Variants in EEFSEC observed in about 807,000 individuals in gnomAD.
EEFSEC encodes the protein selenocysteine-specific elongation factor.
In EEFSEC, 43 loss-of-function variants were observed where a neutral mutation model predicts 42.1. The ratio of observed to expected loss-of-function variants is 1.02; its 90% CI spans 0.80 to 1.32. EEFSEC has a LOEUF of 1.32. Among genes scored for constraint, EEFSEC ranks in the 40% most tolerant of loss-of-function variants. The pLI is 0.00. For synonymous variants in EEFSEC, 354 were observed against 339.1 expected, an observed-to-expected ratio of 1.04 and a Z score of -0.48; for missense variants, 745 against 803.6, an observed-to-expected ratio of 0.93 and a Z score of 0.88.
chr3:128,359,364 C>T (rs1025126979), intron 6 of EEFSEC, among the ~76,000 whole-genome samples: 14 of 152,092 alleles, frequency 9.2e-5, no homozygotes, highest in Non-Finnish European at 5.9e-5. Context: ...AGCCTGTGTT[C>T]GTATGAATGG....
chr3:128,360,447 C>T (rs984014772), intron 6 of EEFSEC, among the ~76,000 whole-genome samples: 1 of 152,230 alleles, frequency 6.6e-6, no homozygotes, highest in African/African-American at 2.4e-5. Context: ...TGATCCTTCC[C>T]CTAAACAGCT....
At chr3:128,181,426 C>CT (rs2065404029) in intron 1 of EEFSEC, among the ~76,000 whole-genome samples, 1 of 152,220 alleles carries the variant, frequency 6.6e-6, no homozygotes, top group African/African-American at 2.4e-5. Flanking sequence ...ATTCTGAACA[C>CT]TTTTTTGTGT....
intron 1 of EEFSEC, among the ~76,000 whole-genome samples, chr3:128,163,709 C>G (rs886578008): frequency 1.3e-5 from 2 of 151,952 alleles, no homozygotes; most frequent in African/African-American, 4.8e-5. Flanking sequence ...CCCATTCGCC[C>G]CTCTCCCAGG....
At chr3:128,381,616 G>C (rs1330501659) in intron 6 of EEFSEC, among the ~76,000 whole-genome samples, 1 of 152,242 alleles carries the variant, frequency 6.6e-6, no homozygotes, top group Non-Finnish European at 1.5e-5. Flanking sequence ...TCAGTGGCAA[G>C]AGAGACAGCT....
chr3:128,352,485 T>C (rs2067400043), intron 5 of EEFSEC, among the ~76,000 whole-genome samples: 1 of 152,230 alleles, frequency 6.6e-6, no homozygotes, highest in African/African-American at 2.4e-5. Flanking sequence ...AAGCCACTGC[T>C]GTGCTGAGAG....
chr3:128,417,556 C>A, the EEFSEC span, among the ~76,000 whole-genome samples: 12 of 152,270 alleles, frequency 7.9e-5, no homozygotes, highest in East Asian at 2.1e-3. This position sits in a 1 kb window ranked among gnomAD's most constrained non-coding sequence, Gnocchi z 4.3. Flanking sequence ...CTGTCGACCT[C>A]ATTTACTGCC....
chr3:128,261,883 T>G (rs2066300373), intron 2 of EEFSEC, among the ~76,000 whole-genome samples: 1 of 152,212 alleles, frequency 6.6e-6, no homozygotes, highest in Non-Finnish European at 1.5e-5. Flanking sequence ...GGTTAATATC[T>G]AAGAGAGCCC....
At chr3:128,237,646 C>T (rs1035761570) in intron 1 of EEFSEC, among the ~76,000 whole-genome samples, 5 of 152,232 alleles carry the variant, frequency 3.3e-5, no homozygotes, top group Admixed American at 3.3e-4. Context: ...GAGTCTCTAG[C>T]ATTTCTTGTT....
intron 4 of EEFSEC, among the ~76,000 whole-genome samples, chr3:128,279,808 C>G (rs944742029): frequency 6.6e-6 from 1 of 152,200 alleles, no homozygotes; most frequent in Non-Finnish European, 1.5e-5. Flanking sequence ...CCTGGGGGGA[C>G]TAATTCCTAT....
At chr3:128,297,233 A>G (rs1271230744) in intron 4 of EEFSEC, among the ~76,000 whole-genome samples, 1 of 152,092 alleles carries the variant, frequency 6.6e-6, no homozygotes, top group Non-Finnish European at 1.5e-5. Context: ...AAGGGAGGAC[A>G]GCTTGTGAGG....
intron 4 of EEFSEC, among the ~76,000 whole-genome samples, chr3:128,270,245 G>A (rs1167752955): frequency 6.6e-6 from 1 of 152,174 alleles, no homozygotes; most frequent in Non-Finnish European, 1.5e-5. Context: ...TAGAATTTTT[G>A]TTGTGGGTTC....
At chr3:128,227,392 C>T (rs1286777906) in intron 1 of EEFSEC, among the ~76,000 whole-genome samples, 1 of 152,120 alleles carries the variant, frequency 6.6e-6, no homozygotes, top group Admixed American at 6.5e-5. Context: ...GCTCTGTGAC[C>T]CAGTGCCCTC....
chr3:128,181,978 T>G (rs1466921923), intron 1 of EEFSEC, among the ~76,000 whole-genome samples: 2 of 152,168 alleles, frequency 1.3e-5, no homozygotes, highest in Admixed American at 1.3e-4. Flanking sequence ...CATGCCCGGC[T>G]AATTTTTGTA....
At chr3:128,338,367 G>A (rs2067213662) in intron 4 of EEFSEC, among the ~76,000 whole-genome samples, 1 of 152,120 alleles carries the variant, frequency 6.6e-6, no homozygotes, top group African/African-American at 2.4e-5. Context: ...GTAGTTCAGG[G>A]GCGGAAAGGG....
At chr3:128,277,540 G>A (rs1217194020) in intron 4 of EEFSEC, among the ~76,000 whole-genome samples, 1 of 152,226 alleles carries the variant, frequency 6.6e-6, no homozygotes, top group Non-Finnish European at 1.5e-5. Context: ...GATTCACAGA[G>A]TGAGCCAGCC....
chr3:128,222,036 T>G (rs199615024), intron 1 of EEFSEC, among the ~76,000 whole-genome samples: 25 of 138,234 alleles, frequency 1.8e-4, no homozygotes, highest in South Asian at 2.5e-4. Flanking sequence ...TTTTTTTTTT[T>G]TTTTTTTTTT....
chr3:128,318,065 G>A (rs1442507051), intron 4 of EEFSEC, among the ~76,000 whole-genome samples: 1 of 152,232 alleles, frequency 6.6e-6, no homozygotes, highest in Admixed American at 6.5e-5. Context: ...CATACAACAG[G>A]CTCTGTGGAC....
intron 3 of EEFSEC, among the ~76,000 whole-genome samples, chr3:128,262,566 G>A (rs1202547115): frequency 2.6e-5 from 4 of 152,182 alleles, no homozygotes; most frequent in Non-Finnish European, 5.9e-5. Flanking sequence ...CCCTGGGACC[G>A]TGACATCCAT....
At chr3:128,287,348 G>A (rs2066596716) in intron 4 of EEFSEC, among the ~76,000 whole-genome samples, 1 of 152,136 alleles carries the variant, frequency 6.6e-6, no homozygotes, top group African/African-American at 2.4e-5. Flanking sequence ...GATCAAGAAT[G>A]GAATCTGGGG....
Sources: gnomAD v4.1 joint callset for allele counts (sites outside exome capture counted in the v4.1 genomes callset) on GRCh38, gnomAD v4.1.1 for gene constraint, Gnocchi (gnomAD v3.1) non-coding constraint, MANE v1.5 for transcripts, NCBI Gene and HGNC (gene_info 2026-07-23, HGNC 2026-07-21) for gene names.